ARL17A: variants seen among roughly 807,000 people sequenced by gnomAD.
The protein encoded by ARL17A is ARF like GTPase 17A.
chr17:46,543,207 G>A (rs1273605095), intron 3 of ARL17A, among the ~76,000 whole-genome samples: 4 of 150,540 alleles, frequency 2.7e-5, no homozygotes, highest in African/African-American at 7.5e-5. Context: ...GTTCATTATT[G>A]GAAGTCTTCA....
At chr17:46,530,688 T>C (rs1009550050) in intron 4 of ARL17A, among the ~76,000 whole-genome samples, 2 of 66,038 alleles carry the variant, frequency 3.0e-5, no homozygotes, top group African/African-American at 1.2e-4. Context: ...AATTCAGTGG[T>C]GGTTAGTATA....
chr17:46,525,602 T>TA (rs1346950818), downstream of ARL17A, among the ~76,000 whole-genome samples: 2,545 of 102,142 alleles, frequency 0.025, 74 homozygotes, highest in African/African-American at 0.081. Flanking sequence ...ATAATAATAA[T>TA]ATAATAATAA....
chr17:46,526,599 T>C (rs989728196), downstream of ARL17A, among the ~76,000 whole-genome samples: 13 of 104,340 alleles, frequency 1.2e-4, 2 homozygotes, highest in African/African-American at 4.4e-4. Flanking sequence ...ACCCAGTAAA[T>C]CTCTTGAATG....
At chr17:46,569,193 C>G (rs1333446910) in intron 3 of ARL17A, among the ~76,000 whole-genome samples, 1 of 151,754 alleles carries the variant, frequency 6.6e-6, no homozygotes, top group African/African-American at 2.4e-5. Flanking sequence ...GGTGATCCAC[C>G]AGCCTTGGCT....
chr17:46,533,594 C>G lies in ARL17A; in HGVS notation c.336-4735G>C, dbSNP rs2054073101. Among the ~76,000 whole-genome samples the G allele has an allele frequency of 2.6e-5, 3 of 115,662 alleles. No homozygotes were observed. The South Asian group carries it at 8.1e-4, about 31-fold the overall frequency. 75.9% of individuals were successfully genotyped at this position (115,662 alleles called of 152,430 possible). On this transcript the variant is annotated intron_variant, in intron 4 of 4. Transcript: ENST00000329240. ...TTTACTCGCCGCAACCTCTGCCTCCCAGGTTCAAGCGATTCTAGTGCCTCA... is the reference window on the plus strand; with the variant it reads ...TTTACTCGCCGCAACCTCTGCCTCCGAGGTTCAAGCGATTCTAGTGCCTCA...
intron 3 of ARL17A, among the ~76,000 whole-genome samples, chr17:46,545,739 CTTA>C (rs1483206718): frequency 3.2e-4 from 44 of 136,356 alleles, no homozygotes; most frequent in African/African-American, 6.0e-5. Context: ...TATGTGGTAA[CTTA>C]TTGTTGTTAT....
chr17:46,519,236 C>T (rs1256458654), intron 3 of ARL17A, among the ~76,000 whole-genome samples: 1 of 150,372 alleles, frequency 6.7e-6, no homozygotes, highest in Non-Finnish European at 1.5e-5. Flanking sequence ...CCTCAGCCTC[C>T]TGGGTAGCTG....
intron 3 of ARL17A, chr17:46,517,319 GT>G (rs2051525753): frequency 1.4e-6 from 1 of 726,418 alleles, no homozygotes; most frequent in Non-Finnish European, 2.1e-6. Context: ...CGTGTTCATT[GT>G]TTTCCTACCT....
At chr17:46,534,367 T>G (rs2054239134) in intron 4 of ARL17A, among the ~76,000 whole-genome samples, 1 of 145,454 alleles carries the variant, frequency 6.9e-6, no homozygotes, top group Non-Finnish European at 1.5e-5. Context: ...TTTGTGTCCC[T>G]GGGTACTTGA....
At chr17:46,548,966 C>G, downstream of ARL17A, 1 of 1,612,220 alleles carries the variant, frequency 6.2e-7, no homozygotes, top group East Asian at 2.2e-5. Flanking sequence ...AAAGACTTAA[C>G]CCACGCTATT....
At chr17:46,534,827 G>C (rs8078584) in intron 4 of ARL17A, among the ~76,000 whole-genome samples, 2,501 of 147,430 alleles carry the variant, frequency 0.017, 242 homozygotes, top group African/African-American at 0.062. Flanking sequence ...GGCGGGGGCT[G>C]GCCCCCACCT....
chr17:46,541,614 G>T (rs1434876851), intron 3 of ARL17A, among the ~76,000 whole-genome samples: 1 of 150,826 alleles, frequency 6.6e-6, no homozygotes, highest in Non-Finnish European at 1.5e-5. Context: ...TATCACTACA[G>T]CTGGCCCTCC....
At chr17:46,521,113 A>T (rs1356870490) in intron 3 of ARL17A, among the ~76,000 whole-genome samples, 1 of 76,140 alleles carries the variant, frequency 1.3e-5, no homozygotes, top group Non-Finnish European at 3.5e-5. Flanking sequence ...TTCACTAATT[A>T]CAAAATAACG....
At position 46,557,533 on chromosome 17, in the gene ARL17A, A is replaced by ACCTCCTTT. The variant is rs1355626034; in HGVS notation, c.349_356dup (p.Arg120LysfsTer49). 1 of 421,674 alleles carries ACCTCCTTT rather than the reference A, an allele frequency of 2.4e-6. No individual in the cohort carries two copies. Among genetic ancestry groups the ACCTCCTTT allele is most frequent in the East Asian group, 4.7e-5 (1 of 21,276 alleles). 26.1% of individuals were successfully genotyped at this position (421,674 alleles called of 1,614,324 possible). ...TATGGGGGAGGAAAGGATGACTTCT[A>ACCTCCTTT]CCTCCTTTCCACATTCCAAATTCCA... On this transcript the variant is annotated frameshift_variant, in exon 4 of 4. Transcript: ENST00000336125. LOFTEE classifies it high-confidence loss of function.
At chr17:46,501,082 A>C in the ARL17A span, among the ~76,000 whole-genome samples, 40 of 151,278 alleles carry the variant, frequency 2.6e-4, 2 homozygotes, top group Non-Finnish European at 3.4e-4. Context: ...TAGAGACAGA[A>C]TATCCCTGTG....
downstream of ARL17A, among the ~76,000 whole-genome samples, chr17:46,526,196 AAT>A (rs2052738770): frequency 9.1e-6 from 1 of 110,492 alleles, no homozygotes; most frequent in Non-Finnish European, 2.0e-5. Context: ...TTTGGAGTCA[AAT>A]CTTCCTGGTA....
chr17:46,533,424 CACATT>C (rs1326976077), intron 4 of ARL17A, among the ~76,000 whole-genome samples: 2 of 130,140 alleles, frequency 1.5e-5, no homozygotes, highest in East Asian at 4.4e-4. Flanking sequence ...GTTATTGTCA[CACATT>C]ACATCTTTAT....
At chr17:46,542,316 C>T (rs530611033) in intron 3 of ARL17A, among the ~76,000 whole-genome samples, 1 of 148,492 alleles carries the variant, frequency 6.7e-6, no homozygotes, top group South Asian at 2.1e-4. Flanking sequence ...AAATGATACA[C>T]ATTTAGGTCT....
the ARL17A span, among the ~76,000 whole-genome samples, chr17:46,506,197 AT>A: frequency 1.8e-5 from 2 of 111,842 alleles, no homozygotes; most frequent in African/African-American, 4.2e-5. Flanking sequence ...TGACGTTGAG[AT>A]TTTTTTCTAG....
Sources: gnomAD v4.1 joint callset for allele counts (sites outside exome capture counted in the v4.1 genomes callset) on GRCh38, gnomAD v4.1.1 for gene constraint, MANE v1.5 for transcripts, NCBI Gene and HGNC (gene_info 2026-07-23, HGNC 2026-07-21) for gene names.